The following CFAP221 variants were observed in gnomAD, a reference collection of about 807,000 sequenced individuals.
CFAP221 encodes the protein cilia and flagella associated protein 221.
A neutral mutation model predicts 113.1 loss-of-function variants in CFAP221; 97 were observed. That is an observed-to-expected ratio of 0.86 (90% CI 0.73 to 1.02). The LOEUF (loss-of-function observed/expected upper bound fraction) is 1.02, where lower values mean the gene tolerates loss of function less well. Ranked by LOEUF, CFAP221 falls within the 50% of genes least tolerant of loss-of-function variation. The pLI, the probability that CFAP221 is intolerant of heterozygous loss-of-function variation, is 0.00. For missense variants in CFAP221, 1,025 were observed against 1,013.4 expected (o/e 1.01, Z -0.16); for synonymous variants, 331 against 354.4 (o/e 0.93, Z 0.74).
intron 1 of CFAP221, among the ~76,000 whole-genome samples, 189 bp downstream of exon 1, chr2:119,544,699 G>T (rs1372360742): frequency 6.6e-6 from 1 of 152,180 alleles, no homozygotes; most frequent in African/African-American, 2.4e-5. Context: ...GGCCTGGGGC[G>T]ACCCTGACCC....
intron 19 of CFAP221, chr2:119,631,210 T>G: frequency 3.6e-6 from 2 of 554,520 alleles, no homozygotes; most frequent in Non-Finnish European, 4.7e-6. Context: ...TGAATGAAAA[T>G]GAAAACAAAC....
chr2:119,643,502 T>C (rs988277765), intron 21 of CFAP221, among the ~76,000 whole-genome samples: 1 of 152,202 alleles, frequency 6.6e-6, no homozygotes, highest in African/African-American at 2.4e-5. Context: ...TTGGGAACTG[T>C]CTTGGCATTG....
At chr2:119,599,115 G>T (rs1372569609) in intron 7 of CFAP221, among the ~76,000 whole-genome samples, 1 of 152,146 alleles carries the variant, frequency 6.6e-6, no homozygotes, top group African/African-American at 2.4e-5. Flanking sequence ...CCCTGCAGTG[G>T]ATTCTAAGGT....
At chr2:119,608,411 T>G (rs940766782) in intron 11 of CFAP221, 91 bp from the exon 12 acceptor site, 2 of 980,952 alleles carry the variant, frequency 2.0e-6, no homozygotes, top group African/African-American at 3.3e-5. Context: ...GGGTTCCTTT[T>G]CAGTTTTGGA....
downstream of CFAP221, among the ~76,000 whole-genome samples, chr2:119,657,561 G>A (rs1688483575): frequency 6.6e-6 from 1 of 152,156 alleles, no homozygotes. Context: ...AGTACAGAAA[G>A]TTGCCATCTA....
intron 6 of CFAP221, among the ~76,000 whole-genome samples, chr2:119,570,468 C>T (rs1250666993): frequency 6.6e-6 from 1 of 152,164 alleles, no homozygotes; most frequent in African/African-American, 2.4e-5. Context: ...TCACCACATG[C>T]AAGTTTAGAA....
chr2:119,650,189 T>C (rs942361220), intron 22 of CFAP221, among the ~76,000 whole-genome samples: 4 of 152,226 alleles, frequency 2.6e-5, no homozygotes, highest in African/African-American at 9.6e-5. Flanking sequence ...ACTATATTGA[T>C]AGTTTAAGTA....
chr2:119,650,632 A>G (rs1328935756), intron 22 of CFAP221, among the ~76,000 whole-genome samples: 1 of 152,230 alleles, frequency 6.6e-6, no homozygotes, highest in African/African-American at 2.4e-5. Flanking sequence ...CTGAGCATTA[A>G]ATGTGTGCCA....
intron 23 of CFAP221, 185 bp from the exon 24 acceptor site, chr2:119,656,177 G>A: frequency 1.8e-6 from 1 of 557,524 alleles, no homozygotes. Context: ...CAGAAGCCAG[G>A]TTTGAATCAT....
At chr2:119,562,671 CTT>C (rs945994779) in intron 6 of CFAP221, among the ~76,000 whole-genome samples, 3 of 152,194 alleles carry the variant, frequency 2.0e-5, no homozygotes, top group Admixed American at 1.3e-4. Flanking sequence ...AGATTCTCTC[CTT>C]TTTTTGGTGA....
intron 13 of CFAP221, among the ~76,000 whole-genome samples, chr2:119,614,654 A>G (rs1241347202): frequency 6.6e-6 from 1 of 152,188 alleles, no homozygotes; most frequent in Non-Finnish European, 1.5e-5. Context: ...CGATTCAATT[A>G]TCTCTATCTG....
rs770806807 is a variant in CFAP221 at position 119,627,760 on chromosome 2, A to G, written c.1624A>G (p.Ser542Gly). ...GCTGCCCTTCGCTTTCCCAGACTGC[A>G]GCCCACCCCAGGACTCCAACGAGTT... ...EVLPFAFPDC[S>G]PPQDSNELAP... The change falls in exon 16 of 24, where the codon AGC (serine) becomes GGC (glycine). Residue 542 changes from serine to glycine, a missense_variant. Coordinates refer to ENST00000413369, the MANE Select transcript of CFAP221 (RefSeq NM_001271049.2). The G allele has an allele frequency of 1.2e-5, 19 of 1,613,648 alleles. No individual in the cohort carries two copies. The South Asian group carries it at 2.0e-4, about 17-fold the overall frequency.
intron 7 of CFAP221, among the ~76,000 whole-genome samples, chr2:119,588,617 TCAGATTATAAAATG>T: frequency 6.6e-6 from 1 of 152,210 alleles, no homozygotes. Context: ...CCCTCCGTGC[TCAGATTATAAAATG>T]CAGGGCCACA....
chr2:119,545,772 T>G (rs1680007864), intron 1 of CFAP221, among the ~76,000 whole-genome samples: 1 of 152,192 alleles, frequency 6.6e-6, no homozygotes, highest in Non-Finnish European at 1.5e-5. Context: ...CTGAGAGCCT[T>G]TATTTTTCCC....
At chr2:119,580,242 A>C (rs1381394512) in intron 6 of CFAP221, 1 of 152,194 alleles carries the variant, frequency 6.6e-6, no homozygotes, top group Non-Finnish European at 1.5e-5. Flanking sequence ...CTGATTTAAG[A>C]CAGGATTTGT....
At chr2:119,618,235 G>T (rs891775250) in intron 14 of CFAP221, among the ~76,000 whole-genome samples, 2 of 152,212 alleles carry the variant, frequency 1.3e-5, no homozygotes, top group Non-Finnish European at 2.9e-5. Context: ...CCTTGCACAG[G>T]ACAGGGCACT....
chr2:119,651,908 A>G, intron 22 of CFAP221, 66 bp from the exon 23 acceptor site: 5 of 1,265,538 alleles, frequency 4.0e-6, no homozygotes, highest in Non-Finnish European at 4.5e-6. Flanking sequence ...TGATCACAAT[A>G]TTTCATTCCT....
In CFAP221 at chr2:119,604,875, G is replaced by C; in HGVS notation, c.913-1G>C. The C allele has an allele frequency of 6.2e-7, 1 of 1,613,974 alleles. No individual in the cohort carries two copies. ...ATTTCCCTATTGATTTGGTCTCTTAGGAAATTGAGTACCAGAACCTCAGAT... is the reference window on the plus strand; with the variant it reads ...ATTTCCCTATTGATTTGGTCTCTTACGAAATTGAGTACCAGAACCTCAGAT... On this transcript the variant is annotated splice_acceptor_variant, in intron 9 of 23. Transcript: ENST00000413369. LOFTEE classifies it high-confidence loss of function.
intron 6 of CFAP221, among the ~76,000 whole-genome samples, chr2:119,566,785 T>C (rs1189848539): frequency 6.6e-6 from 1 of 152,054 alleles, no homozygotes; most frequent in Non-Finnish European, 1.5e-5. Flanking sequence ...CTTAACCGTC[T>C]ACTTGTCATG....
Sources: allele counts gnomAD v4.1 joint callset (sites outside exome capture counted in the v4.1 genomes callset), GRCh38; gene constraint gnomAD v4.1.1; transcripts MANE v1.5; gene names NCBI Gene and HGNC (gene_info 2026-07-23, HGNC 2026-07-21).